DNAAF11: variants seen among roughly 807,000 people sequenced by gnomAD.
The protein encoded by DNAAF11 is leucine rich repeat containing 6.
DNAAF11 carries 45 observed loss-of-function variants against 60.8 expected under a neutral mutation model. The ratio of observed to expected loss-of-function variants is 0.74; its 90% confidence interval spans 0.58 to 0.95. The LOEUF (loss-of-function observed/expected upper bound fraction) is 0.95, where lower values mean the gene tolerates loss of function less well. Among genes scored for constraint, DNAAF11 ranks in the 40% least tolerant of loss-of-function variants. DNAAF11 has a pLI of 0.00. For synonymous variants in DNAAF11, 191 were observed against 183.5 expected (o/e 1.04, Z -0.33); for missense variants, 546 against 546.2 (o/e 1.00, Z 0.00).
intron 1 of DNAAF11, among the ~76,000 whole-genome samples, chr8:132,664,457 C>G (rs1285931002): frequency 6.6e-6 from 1 of 152,096 alleles, no homozygotes; most frequent in Non-Finnish European, 1.5e-5. Flanking sequence ...CTTGCTATAC[C>G]TCTGAACATT....
At chr8:132,617,966 CA>C (rs1217368037) in intron 7 of DNAAF11, among the ~76,000 whole-genome samples, 5 of 149,206 alleles carry the variant, frequency 3.4e-5, no homozygotes, top group Non-Finnish European at 6.0e-5. Flanking sequence ...CATATGGAAC[CA>C]AAAAAGAGCC....
At chr8:132,663,566 C>T (rs1824337698) in intron 1 of DNAAF11, among the ~76,000 whole-genome samples, 1 of 152,098 alleles carries the variant, frequency 6.6e-6, no homozygotes, top group African/African-American at 2.4e-5. Context: ...GTAATAAGAC[C>T]CTCAATGACT....
intron 11 of DNAAF11, among the ~76,000 whole-genome samples, chr8:132,581,584 A>G (rs1002266254): frequency 6.8e-6 from 1 of 146,958 alleles, no homozygotes; most frequent in African/African-American, 2.5e-5. Flanking sequence ...CAGGAGGCAG[A>G]GGTTGCAGTG....
the DNAAF11 span, among the ~76,000 whole-genome samples, chr8:132,693,847 C>T: frequency 1.3e-5 from 2 of 152,108 alleles, no homozygotes; most frequent in Non-Finnish European, 2.9e-5. Context: ...TGGTGACCCA[C>T]CTGCTTAAGT....
chr8:132,663,580 G>A lies in DNAAF11; in HGVS notation c.11-1953C>T, dbSNP rs540895297. 3.9e-5 allele frequency among the ~76,000 whole-genome samples: 6 copies of A among 152,252 alleles called. No homozygotes were observed. In the South Asian group the frequency reaches 6.2e-4, roughly 16 times the overall value. The stretch of plus-strand genomic sequence containing the variant: ...AGTAATAAGACCCTCAATGACTAAC[G>A]GTATATCTGTAACTTAAACTACTCA... On this transcript the variant is annotated intron_variant, in intron 1 of 11. Coordinates refer to ENST00000620350, the MANE Select transcript of DNAAF11 (RefSeq NM_012472.6).
At chr8:132,606,404 T>C (rs778456912) in intron 10 of DNAAF11, among the ~76,000 whole-genome samples, 17 of 152,210 alleles carry the variant, frequency 1.1e-4, no homozygotes, top group Non-Finnish European at 7.3e-5. Flanking sequence ...CCTGACCCTG[T>C]GTAGACCTAG....
At chr8:132,609,968 C>T (rs1422241696) in intron 10 of DNAAF11, among the ~76,000 whole-genome samples, 198 bp downstream of exon 10, 2 of 152,138 alleles carry the variant, frequency 1.3e-5, no homozygotes, top group African/African-American at 4.8e-5. Flanking sequence ...GATAAACCAC[C>T]TTAGGCCCCA....
At chr8:132,574,489 C>G (rs1814533353) in intron 11 of DNAAF11, among the ~76,000 whole-genome samples, 1 of 152,150 alleles carries the variant, frequency 6.6e-6, no homozygotes. Context: ...ATGAGCTTCC[C>G]TGATGGACAT....
chr8:132,591,005 T>C (rs1192254290), intron 10 of DNAAF11, among the ~76,000 whole-genome samples: 2 of 152,206 alleles, frequency 1.3e-5, no homozygotes, highest in Non-Finnish European at 2.9e-5. Flanking sequence ...TTTGAATAGT[T>C]AGATTGTTTC....
At chr8:132,575,931 G>A (rs1021392755) in intron 11 of DNAAF11, among the ~76,000 whole-genome samples, 3 of 152,116 alleles carry the variant, frequency 2.0e-5, no homozygotes, top group African/African-American at 7.2e-5. Context: ...CTGGAGAACT[G>A]TTTAAGGTAA....
chr8:132,636,493 C>T (rs12677231), intron 4 of DNAAF11, among the ~76,000 whole-genome samples: 6 of 152,182 alleles, frequency 3.9e-5, no homozygotes, highest in African/African-American at 1.4e-4. Flanking sequence ...CTGAATGGGT[C>T]TGGGAGGATC....
At chr8:132,698,976 A>C in the DNAAF11 span, among the ~76,000 whole-genome samples, 1 of 138,702 alleles carries the variant, frequency 7.2e-6, no homozygotes, top group African/African-American at 2.9e-5. Context: ...ACACACAAAA[A>C]AAATTAGCCG....
intron 3 of DNAAF11, among the ~76,000 whole-genome samples, chr8:132,648,723 A>ATG (rs1822673783): frequency 1.3e-5 from 2 of 152,030 alleles, no homozygotes; most frequent in Middle Eastern, 3.2e-3. Context: ...ATAACAGACA[A>ATG]ACAGAGAGCC....
intron 11 of DNAAF11, among the ~76,000 whole-genome samples, chr8:132,574,064 G>A (rs1814489283): frequency 1.3e-5 from 2 of 152,166 alleles, no homozygotes; most frequent in Non-Finnish European, 2.9e-5. Flanking sequence ...CCAGAGAAAT[G>A]AATGGTCATA....
chr8:132,633,034 T>G, intron 4 of DNAAF11, 71 bp from the exon 5 acceptor site: 1 of 912,544 alleles, frequency 1.1e-6, no homozygotes, highest in Middle Eastern at 2.3e-4. Context: ...AGGTTGATTT[T>G]GATTAGAAAT....
chr8:132,599,762 A>C (rs190123181), intron 10 of DNAAF11, among the ~76,000 whole-genome samples: 1 of 152,218 alleles, frequency 6.6e-6, no homozygotes, highest in Non-Finnish European at 1.5e-5. Flanking sequence ...TTAGGTATTG[A>C]TGGGACGTAT....
At chr8:132,618,435 A>C (rs1819408014) in intron 7 of DNAAF11, among the ~76,000 whole-genome samples, 2 of 101,056 alleles carry the variant, frequency 2.0e-5, no homozygotes, top group African/African-American at 4.1e-5. Flanking sequence ...ACAAAAGCCA[A>C]AATTGACAAA....
chr8:132,578,643 G>A, intron 11 of DNAAF11: 1 of 601,490 alleles, frequency 1.7e-6, no homozygotes, highest in South Asian at 2.4e-5. Flanking sequence ...CATAAAGAAA[G>A]AACTTTTTTC....
chr8:132,676,790 G>A (rs1825776660), upstream of DNAAF11, among the ~76,000 whole-genome samples: 1 of 152,054 alleles, frequency 6.6e-6, no homozygotes, highest in African/African-American at 2.4e-5. Flanking sequence ...TTAGATCGGG[G>A]GTAATGGGGG....
Sources: allele counts gnomAD v4.1 joint callset (sites outside exome capture counted in the v4.1 genomes callset), GRCh38; gene constraint gnomAD v4.1.1; transcripts MANE v1.5; gene names NCBI Gene and HGNC (gene_info 2026-07-23, HGNC 2026-07-21).